MIS18A: variants seen among roughly 807,000 people sequenced by gnomAD.
The protein encoded by MIS18A is protein Mis18-alpha.
A neutral mutation model predicts 25.0 loss-of-function variants in MIS18A; 14 were observed. The ratio of observed to expected loss-of-function variants is 0.56; its 90% CI spans 0.37 to 0.88. The LOEUF (loss-of-function observed/expected upper bound fraction) is 0.88. MIS18A is among the 40% of genes least tolerant of loss of function. The pLI is 0.00. For missense variants in MIS18A, 292 were observed against 290.8 expected (o/e 1.00, Z -0.03); for synonymous variants, 134 against 118.6 (o/e 1.13, Z -0.84).
the MIS18A span, among the ~76,000 whole-genome samples, chr21:32,245,216 A>G: frequency 1.3e-5 from 2 of 152,196 alleles, no homozygotes; most frequent in Admixed American, 1.3e-4. Context: ...AATAAATTAA[A>G]AGAATGCTCC....
chr21:32,205,951 T>C, the MIS18A span, among the ~76,000 whole-genome samples: 1 of 152,148 alleles, frequency 6.6e-6, no homozygotes, highest in Non-Finnish European at 1.5e-5. Flanking sequence ...CAGTCGTTCT[T>C]GGGGTTTTTC....
the MIS18A span, among the ~76,000 whole-genome samples, chr21:32,169,754 T>G: frequency 6.6e-6 from 1 of 152,008 alleles, no homozygotes; most frequent in Non-Finnish European, 1.5e-5. Flanking sequence ...TGTCTAATAA[T>G]CATATGAACA....
chr21:32,240,595 A>G, the MIS18A span, among the ~76,000 whole-genome samples: 1 of 152,242 alleles, frequency 6.6e-6, no homozygotes, highest in Non-Finnish European at 1.5e-5. Context: ...TTTCTTCTCC[A>G]TCTACAGGAT....
chr21:32,182,472 T>C, the MIS18A span, among the ~76,000 whole-genome samples: 2 of 152,240 alleles, frequency 1.3e-5, no homozygotes, highest in African/African-American at 4.8e-5. Context: ...TTTAAAACTG[T>C]ACGGAAAGCA....
chr21:32,157,024 T>G, the MIS18A span, among the ~76,000 whole-genome samples: 2 of 150,958 alleles, frequency 1.3e-5, no homozygotes, highest in Non-Finnish European at 2.9e-5. Context: ...CTAGGCTGAT[T>G]GCATTTCCTT....
At chr21:32,270,586 A>T in intron 2 of MIS18A, 57 bp from the exon 3 acceptor site, 1 of 1,465,460 alleles carries the variant, frequency 6.8e-7, no homozygotes, top group Non-Finnish European at 9.0e-7. Context: ...TTATAATAAA[A>T]ATCTCACTGT....
downstream of MIS18A, among the ~76,000 whole-genome samples, chr21:32,263,588 G>A (rs1343744005): frequency 6.6e-6 from 1 of 152,120 alleles, no homozygotes; most frequent in Non-Finnish European, 1.5e-5. Flanking sequence ...GTAACAGAGT[G>A]AGACTTTGTC....
the MIS18A span, among the ~76,000 whole-genome samples, chr21:32,220,153 G>T: frequency 2.6e-5 from 4 of 152,178 alleles, no homozygotes; most frequent in Admixed American, 2.0e-4. Context: ...TCCTCAAATG[G>T]GTCCCTGACT....
At chr21:32,194,720 G>T in the MIS18A span, among the ~76,000 whole-genome samples, 1 of 151,804 alleles carries the variant, frequency 6.6e-6, no homozygotes, top group Non-Finnish European at 1.5e-5. Flanking sequence ...CCATAAAAAA[G>T]AATGAAATCA....
chr21:32,165,959 C>A, the MIS18A span, among the ~76,000 whole-genome samples: 1 of 152,142 alleles, frequency 6.6e-6, no homozygotes, highest in African/African-American at 2.4e-5. Context: ...GCATTATCAC[C>A]TTCTCACTCC....
At chr21:32,247,595 A>G in the MIS18A span, among the ~76,000 whole-genome samples, 24 of 152,334 alleles carry the variant, frequency 1.6e-4, no homozygotes, top group African/African-American at 5.5e-4. Context: ...ATGTAGGGTT[A>G]TGAAAGAGGT....
chr21:32,269,906 G>T, intron 3 of MIS18A, 103 bp from the exon 4 acceptor site: 1 of 735,246 alleles, frequency 1.4e-6, no homozygotes, highest in Non-Finnish European at 2.4e-6. Flanking sequence ...GAGGCTAGGA[G>T]TTTGAAACCA....
the MIS18A span, among the ~76,000 whole-genome samples, chr21:32,175,080 C>T: frequency 6.6e-6 from 1 of 152,174 alleles, no homozygotes; most frequent in Non-Finnish European, 1.5e-5. Context: ...CTACTACACA[C>T]CTAGGCTATA....
the MIS18A span, among the ~76,000 whole-genome samples, chr21:32,216,534 T>C: frequency 6.6e-6 from 1 of 152,186 alleles, no homozygotes. Context: ...TTGGGGCAAA[T>C]AATAGGCCAA....
chr21:32,219,018 A>G, the MIS18A span, among the ~76,000 whole-genome samples: 2 of 151,392 alleles, frequency 1.3e-5, no homozygotes, highest in African/African-American at 4.9e-5. Context: ...CAATGAGCTG[A>G]GATCGTGTCA....
chr21:32,205,519 G>A, the MIS18A span, among the ~76,000 whole-genome samples: 4 of 152,044 alleles, frequency 2.6e-5, no homozygotes, highest in East Asian at 1.9e-4. Flanking sequence ...AATCCAGCCT[G>A]CACAGCCTCA....
At chr21:32,196,963 A>T in the MIS18A span, among the ~76,000 whole-genome samples, 8 of 152,200 alleles carry the variant, frequency 5.3e-5, no homozygotes, top group African/African-American at 1.9e-4. Context: ...TGCAGTATAC[A>T]CACACAGAAA....
the MIS18A span, among the ~76,000 whole-genome samples, chr21:32,199,085 C>T: frequency 2.0e-5 from 3 of 152,184 alleles, no homozygotes; most frequent in African/African-American, 7.2e-5. Flanking sequence ...GCAAGGCGGG[C>T]ATGGGGTCAG....
At chr21:32,176,706 G>T in the MIS18A span, among the ~76,000 whole-genome samples, 1 of 151,024 alleles carries the variant, frequency 6.6e-6, no homozygotes, top group Non-Finnish European at 1.5e-5. Flanking sequence ...GTGGAAGGAA[G>T]GTAATAATAA....
Sources: gnomAD v4.1 joint callset for allele counts (sites outside exome capture counted in the v4.1 genomes callset) on GRCh38, gnomAD v4.1.1 for gene constraint, MANE v1.5 for transcripts, NCBI Gene and HGNC (gene_info 2026-07-23, HGNC 2026-07-21) for gene names.